MAP4K4: variants seen among roughly 807,000 people sequenced by gnomAD.
The protein encoded by MAP4K4 is mitogen-activated protein kinase kinase kinase kinase 4, also known as HPK/GCK-like kinase HGK.
A neutral mutation model predicts 189.6 loss-of-function variants in MAP4K4; 38 were observed. The ratio of observed to expected loss-of-function variants is 0.20; its 90% CI spans 0.15 to 0.26. The LOEUF is 0.26. MAP4K4 is among the 10% of genes least tolerant of loss of function. The pLI, the probability that MAP4K4 is intolerant of heterozygous loss-of-function variation, is 1.00. For synonymous variants in MAP4K4, 610 were observed against 624.3 expected, an observed-to-expected ratio of 0.98 and a Z score of 0.34; for missense variants, 1,054 against 1,726.9, an observed-to-expected ratio of 0.61 and a Z score of 6.91.
intron 16 of MAP4K4, chr2:101,861,223 A>G (rs1403101314): frequency 2.8e-6 from 1 of 358,698 alleles, no homozygotes; most frequent in Non-Finnish European, 4.9e-6. Flanking sequence ...GATTTCTTCT[A>G]ACTTTTTGCC....
chr2:101,891,596 G>A, exon 33 of MAP4K4: 1 of 193,462 alleles, frequency 5.2e-6, no homozygotes, highest in East Asian at 1.2e-4. Flanking sequence ...ACTCTGTCTT[G>A]TGGGTGTCTG....
chr2:101,724,209 C>T (rs1248390311), intron 2 of MAP4K4, among the ~76,000 whole-genome samples: 1 of 152,134 alleles, frequency 6.6e-6, no homozygotes, highest in Non-Finnish European at 1.5e-5. Context: ...TGTGCAATGT[C>T]CTGTGCACTT....
In MAP4K4 at chr2:101,891,155, T is replaced by TG. The variant is rs1266868654; in HGVS notation, c.4072-10dup. On this transcript the variant is annotated splice_polypyrimidine_tract_variant and intron_variant, in intron 32 of 32. Transcript: ENST00000324219. ...ATGGTAACCATTCCCTCTCTTTTCT[T>TG]GCTTTTGCAGGTGTTCTTTGCCTCT... is the stretch of plus-strand genomic sequence containing the variant. 1 of 1,612,058 alleles carries TG rather than the reference T, an allele frequency of 6.2e-7. No homozygotes were observed. Among genetic ancestry groups the TG allele is most frequent in the Admixed American group, 1.7e-5 (1 of 60,020 alleles).
chr2:101,864,817 G>A (rs1442903114), intron 17 of MAP4K4, 113 bp from the exon 18 acceptor site: 5 of 692,244 alleles, frequency 7.2e-6, no homozygotes, highest in African/African-American at 1.8e-5. Flanking sequence ...GGAGGTGATA[G>A]GAAGGACTGC....
intron 2 of MAP4K4, among the ~76,000 whole-genome samples, chr2:101,781,887 G>A (rs1028295410): frequency 6.6e-6 from 1 of 152,174 alleles, no homozygotes; most frequent in Non-Finnish European, 1.5e-5. Context: ...TGAGCTTGCT[G>A]TCTGGTCCCC....
At chr2:101,734,934 G>T (rs1293699718) in intron 2 of MAP4K4, among the ~76,000 whole-genome samples, 1 of 152,162 alleles carries the variant, frequency 6.6e-6, no homozygotes, top group Non-Finnish European at 1.5e-5. Context: ...CAGAGGCTAG[G>T]AGTCAAAGGG....
exon 12 of MAP4K4, chr2:101,844,296 G>A (rs1359211331): frequency 3.2e-6 from 5 of 1,560,538 alleles, no homozygotes; most frequent in Non-Finnish European, 4.3e-6. Context: ...AAGAACAGAG[G>A]CGACGGCTAG....
intron 11 of MAP4K4, 107 bp downstream of exon 11, chr2:101,842,788 C>A: frequency 1.4e-6 from 1 of 717,536 alleles, no homozygotes; most frequent in Non-Finnish European, 2.3e-6. Context: ...TCTTAAATTA[C>A]TTAGACAGCA....
At chr2:101,796,667 G>A (rs1345324809) in intron 3 of MAP4K4, among the ~76,000 whole-genome samples, 1 of 152,156 alleles carries the variant, frequency 6.6e-6, no homozygotes, top group Non-Finnish European at 1.5e-5. Flanking sequence ...TAGCAGATTT[G>A]TCAGAGCAGA....
intron 2 of MAP4K4, among the ~76,000 whole-genome samples, chr2:101,785,687 T>C (rs2090413155): frequency 1.5e-3 from 3 of 2,044 alleles, no homozygotes; most frequent in Admixed American, 3.8e-3. Flanking sequence ...CCTCTCTCTC[T>C]CTCTCTCTCT....
At chr2:101,875,947 A>G (rs147966206) in intron 26 of MAP4K4, among the ~76,000 whole-genome samples, 2 of 152,330 alleles carry the variant, frequency 1.3e-5, no homozygotes, top group Admixed American at 6.5e-5. Flanking sequence ...TTGGATGTAC[A>G]TCATGAGAAA....
At chr2:101,699,303 T>C (rs936641613) in intron 2 of MAP4K4, among the ~76,000 whole-genome samples, 1 of 152,144 alleles carries the variant, frequency 6.6e-6, no homozygotes, top group Non-Finnish European at 1.5e-5. Flanking sequence ...AACTAGCAAA[T>C]CTGGAGACTG....
At chr2:101,827,077 C>T (rs970486131) in intron 5 of MAP4K4, among the ~76,000 whole-genome samples, 1 of 152,144 alleles carries the variant, frequency 6.6e-6, no homozygotes, top group Non-Finnish European at 1.5e-5. Context: ...TATACCCAGG[C>T]AAGCATTGTT....
chr2:101,735,036 C>G (rs1016984688), intron 2 of MAP4K4, among the ~76,000 whole-genome samples: 31 of 151,246 alleles, frequency 2.0e-4, no homozygotes, highest in Non-Finnish European at 3.7e-4. Context: ...ATTGTACTAC[C>G]TCGCCTCTCA....
chr2:101,886,756 C>A (rs2150304029), intron 29 of MAP4K4, among the ~76,000 whole-genome samples: 1 of 152,212 alleles, frequency 6.6e-6, no homozygotes, highest in African/African-American at 2.4e-5. Context: ...GAAGTAAGTT[C>A]TCCGGCCGGG....
At chr2:101,861,067 T>C (rs1384994995) in intron 16 of MAP4K4, 81 bp downstream of exon 16, 6 of 1,325,360 alleles carry the variant, frequency 4.5e-6, no homozygotes, top group Admixed American at 2.5e-5. Flanking sequence ...AATATCACAG[T>C]TTAGTTTGTC....
At chr2:101,818,449 C>T (rs1172092739) in intron 3 of MAP4K4, among the ~76,000 whole-genome samples, 1 of 152,120 alleles carries the variant, frequency 6.6e-6, no homozygotes, top group Non-Finnish European at 1.5e-5. Flanking sequence ...TTCATTTCAC[C>T]TGGCAAATGC....
At chr2:101,795,785 G>T (rs1471195425) in intron 3 of MAP4K4, among the ~76,000 whole-genome samples, 3 of 152,092 alleles carry the variant, frequency 2.0e-5, no homozygotes, top group Non-Finnish European at 2.9e-5. Flanking sequence ...TTAATTTCTT[G>T]TGTCTTGTAT....
chr2:101,769,794 C>T (rs939520450), intron 2 of MAP4K4, among the ~76,000 whole-genome samples: 3 of 152,054 alleles, frequency 2.0e-5, no homozygotes, highest in Non-Finnish European at 2.9e-5. Flanking sequence ...GTTGGCCAGG[C>T]TGGTCTCAAA....
Sources: gnomAD v4.1 joint callset for allele counts (sites outside exome capture counted in the v4.1 genomes callset) on GRCh38, gnomAD v4.1.1 for gene constraint, MANE v1.5 for transcripts, NCBI Gene and HGNC (gene_info 2026-07-23, HGNC 2026-07-21) for gene names.